Variants in KAT8 observed in about 807,000 individuals in gnomAD.
KAT8 encodes the protein histone acetyltransferase KAT8.
KAT8 carries 40 observed loss-of-function variants against 62.9 expected under a neutral mutation model. That is an observed-to-expected ratio of 0.64 (90% CI 0.49 to 0.83). The LOEUF (loss-of-function observed/expected upper bound fraction) is 0.83, where lower values mean the gene tolerates loss of function less well. KAT8 is among the 40% of genes least tolerant of loss of function. The pLI, the probability that KAT8 is intolerant of heterozygous loss-of-function variation, is 0.00. For synonymous variants in KAT8, 278 were observed against 254.5 expected (o/e 1.09, Z -0.88); for missense variants, 387 against 614.8 (o/e 0.63, Z 3.92).
intron 1 of KAT8, 146 bp downstream of exon 1, chr16:31,118,038 C>A (rs935416003): frequency 1.6e-6 from 1 of 617,718 alleles, no homozygotes; most frequent in East Asian, 3.5e-5. Context: ...AAGAACGCCG[C>A]GTTCCGGGCG....
chr16:31,122,974 G>A (rs1325927770), intron 3 of KAT8, among the ~76,000 whole-genome samples: 1 of 151,650 alleles, frequency 6.6e-6, no homozygotes, highest in East Asian at 1.9e-4. Flanking sequence ...TTAAGGTCAG[G>A]GGATTGAGAC....
chr16:31,128,909 G>A (rs974106847), intron 6 of KAT8, among the ~76,000 whole-genome samples: 1 of 152,212 alleles, frequency 6.6e-6, no homozygotes, highest in Non-Finnish European at 1.5e-5. Context: ...TAGAGAACTT[G>A]GCCTTTGCCT....
intron 6 of KAT8, among the ~76,000 whole-genome samples, chr16:31,129,286 G>A (rs1425156384): frequency 6.6e-6 from 1 of 152,198 alleles, no homozygotes; most frequent in East Asian, 1.9e-4. Context: ...CCTTGCCCCT[G>A]CTCTGCCTTC....
In KAT8 at chr16:31,130,008, C is replaced by A. The variant is rs747327871; in HGVS notation, c.772-9C>A. 17 of 1,614,114 alleles carry A rather than the reference C, an allele frequency of 1.1e-5. No homozygotes were observed. Among genetic ancestry groups the A allele is most frequent in the Admixed American group, 1.7e-5 (1 of 59,994 alleles). On this transcript the variant is annotated splice_polypyrimidine_tract_variant and intron_variant, in intron 6 of 10. Transcript: ENST00000219797. ...CCCCTGAGCCTGTCTCCCCCCTCCT[C>A]AACCCTAGATTTACTGTCAGAACCT...
intron 6 of KAT8, among the ~76,000 whole-genome samples, chr16:31,128,624 TGTG>T (rs1389188300): frequency 6.6e-6 from 1 of 152,152 alleles, no homozygotes; most frequent in Admixed American, 6.5e-5. Context: ...CACAGGGCCT[TGTG>T]GTGGCCCCAA....
intron 3 of KAT8, among the ~76,000 whole-genome samples, chr16:31,123,461 G>A (rs755076857): frequency 8.6e-5 from 13 of 151,814 alleles, no homozygotes; most frequent in Non-Finnish European, 1.9e-4. Context: ...CGCCTGCCTC[G>A]GCCTCCCAAA....
rs1467017343 is a variant in KAT8 at position 31,125,171 on chromosome 16, G to A, written c.463-1864G>A. ...CTCCCCACTGCACTCCAGCCTGGGC[G>A]ACAGAGTGAGAGTCTATCTCAGAAG... On this transcript the variant is annotated intron_variant, in intron 3 of 10. Transcript: ENST00000219797. Among the ~76,000 whole-genome samples the A allele has an allele frequency of 7.3e-5, 11 of 151,090 alleles. No individual in the cohort carries two copies. In the South Asian group the frequency reaches 2.3e-3, roughly 32 times the overall value.
Position 31,130,508 on chromosome 16 carries a change from G to C in KAT8, c.1059G>C (p.Leu353=), listed in dbSNP as rs1427169722. The change falls in exon 9 of 11, where the codon CTG becomes CTC. Residue 353 remains leucine, a synonymous_variant. Coordinates refer to ENST00000219797, the MANE Select transcript of KAT8 (RefSeq NM_032188.3). ...ESTVGSPEKP[L]SDLGKLSYRS... Reference sequence around the variant, plus strand: ...CAGTCGGCTCCCCGGAGAAGCCACTGTCTGACCTGGGCAAGCTCAGCTACC... The same window carrying C: ...CAGTCGGCTCCCCGGAGAAGCCACTCTCTGACCTGGGCAAGCTCAGCTACC... 4 of 1,614,168 alleles carry C rather than the reference G, an allele frequency of 2.5e-6. No homozygotes were observed. The highest frequency in any genetic ancestry group is 3.4e-6 in the Non-Finnish European group (4 of 1,179,990).
At chr16:31,127,575 C>T (rs1178231453) in intron 5 of KAT8, among the ~76,000 whole-genome samples, 2 of 152,238 alleles carry the variant, frequency 1.3e-5, no homozygotes, top group South Asian at 2.1e-4. Flanking sequence ...AGCTCCTCTT[C>T]TCTGGAATGG....
chr16:31,120,876 C>T, intron 3 of KAT8: 1 of 218,888 alleles, frequency 4.6e-6, no homozygotes, highest in Non-Finnish European at 9.3e-6. Flanking sequence ...AGCACCCTGC[C>T]AAGTGCTGTA....
At chr16:31,130,220 A>T (rs753485108) in intron 7 of KAT8, 47 bp from the exon 8 acceptor site, 15 of 1,612,870 alleles carry the variant, frequency 9.3e-6, no homozygotes, top group Non-Finnish European at 1.1e-5. Context: ...ATGAACAGAG[A>T]GTGGGGCAGA....
intron 3 of KAT8, chr16:31,120,838 G>A (rs1420885141): frequency 3.6e-6 from 1 of 277,510 alleles, no homozygotes; most frequent in Non-Finnish European, 6.9e-6. Context: ...GGAAAGACGA[G>A]AATGTTATTC....
intron 1 of KAT8, among the ~76,000 whole-genome samples, chr16:31,119,572 T>G (rs2057477688): frequency 1.3e-5 from 2 of 152,220 alleles, no homozygotes; most frequent in Admixed American, 6.5e-5. Flanking sequence ...TTAAATTCAG[T>G]TAAGTATTAG....
Position 31,130,915 on chromosome 16 carries a change from GCTGTGTGTC to G in KAT8, c.1312+16_1312+24del. 4 of 1,608,560 alleles carry G rather than the reference GCTGTGTGTC, an allele frequency of 2.5e-6. No homozygotes were observed. In the Admixed American group the frequency reaches 6.7e-5, roughly 27 times the overall value. ...ACCCATCACAGGTGGGTGGGGGGCT[GCTGTGTGTC>G]GGGGGCGGTGGGGGAGTGTCAGTAT... is the stretch of plus-strand genomic sequence containing the variant. On this transcript the variant is annotated intron_variant, in intron 10 of 10. Transcript: ENST00000219797.
chr16:31,117,906 C>G lies in KAT8; in HGVS notation c.211+14C>G. On this transcript the variant is annotated intron_variant, in intron 1 of 10. Coordinates refer to ENST00000219797, the MANE Select transcript of KAT8 (RefSeq NM_032188.3). ...ATAGCACCTGGCGTGAGGGCGGGGCCCAGGGCTGGGGGCGGGGCGGAGCTC... is the reference window on the plus strand; with the variant it reads ...ATAGCACCTGGCGTGAGGGCGGGGCGCAGGGCTGGGGGCGGGGCGGAGCTC... 7.5e-7 allele frequency: 1 copy of G among 1,334,670 alleles called. No individual in the cohort carries two copies. Among genetic ancestry groups the G allele is most frequent in the Non-Finnish European group, 9.7e-7 (1 of 1,032,338 alleles). 82.7% of individuals were successfully genotyped at this position (1,334,670 alleles called of 1,614,324 possible).
chr16:31,117,943 G>A (rs1025913948), intron 1 of KAT8, 51 bp downstream of exon 1: 4 of 1,222,592 alleles, frequency 3.3e-6, no homozygotes, highest in South Asian at 2.4e-5. Flanking sequence ...GGGCCAGGGG[G>A]TGGGGCGGGG....
rs963784714 is a variant in KAT8, at chr16:31,127,343, G to A, written c.671G>A (p.Arg224His). 1.4e-5 allele frequency: 22 copies of A among 1,614,038 alleles called. No homozygotes were observed. Among genetic ancestry groups the A allele is most frequent in the East Asian group, 2.2e-5 (1 of 44,896 alleles). The change falls in exon 5 of 11, where the codon CGC (arginine) becomes CAC (histidine). Residue 224 changes from arginine (R) to histidine (H), a missense_variant. Transcript: ENST00000219797. ...TACATGAAATATGAGAAGAGCTACCGCTTCCACTTGGTGAGGCTGGGCCGG... is the reference window on the plus strand; with the variant it reads ...TACATGAAATATGAGAAGAGCTACCACTTCCACTTGGTGAGGCTGGGCCGG... ...LKYMKYEKSY[R>H]FHLGQCQWRQ... is the part of the protein sequence containing the mutation.
At position 31,127,436 on chromosome 16, in the gene KAT8, CG is replaced by C; in HGVS notation, c.681+85del. The C allele has an allele frequency of 5.5e-6, 8 of 1,460,424 alleles. No individual in the cohort carries two copies. In the South Asian group the frequency reaches 9.4e-5, roughly 17 times the overall value. 90.5% of individuals were successfully genotyped at this position (1,460,424 alleles called of 1,614,324 possible). On this transcript the variant is annotated intron_variant, in intron 5 of 10. Transcript: ENST00000219797. ...GCATGGAGACTGAGGGCGGCTGCGC[CG>C]GCAGCTCCAGGGAGGAGACAGGCCC... is the stretch of plus-strand genomic sequence containing the variant.
chr16:31,127,055 C>T lies in KAT8; in HGVS notation c.483C>T (p.Pro161=). The change falls in exon 4 of 11, where the codon CCC becomes CCT. Residue 161 remains proline (P), a synonymous_variant. Coordinates refer to ENST00000219797, the MANE Select transcript of KAT8 (RefSeq NM_032188.3). ...HVQKTYAEMD[P]TTAALEKEHE... ...CCCAGACTTATGCAGAGATGGACCCCACCACAGCAGCCTTGGAGAAGGAGC... is the reference window on the plus strand; with the variant it reads ...CCCAGACTTATGCAGAGATGGACCCTACCACAGCAGCCTTGGAGAAGGAGC... 1 of 1,614,202 alleles carries T rather than the reference C, an allele frequency of 6.2e-7. No homozygotes were observed. The highest frequency in any genetic ancestry group is 1.1e-5 in the South Asian group (1 of 91,086).
Sources: gnomAD v4.1 joint callset for allele counts (sites outside exome capture counted in the v4.1 genomes callset) on GRCh38, gnomAD v4.1.1 for gene constraint, MANE v1.5 for transcripts, NCBI Gene and HGNC (gene_info 2026-07-23, HGNC 2026-07-21) for gene names.